The following RTBDN variants were observed in gnomAD, a reference collection of about 807,000 sequenced individuals.
The protein encoded by RTBDN is retbindin.
A neutral mutation model predicts 21.9 loss-of-function variants in RTBDN; 24 were observed. The observed-to-expected ratio is 1.10, with a 90% CI of 0.79 to 1.54. The LOEUF (loss-of-function observed/expected upper bound fraction) is 1.54, where lower values mean the gene tolerates loss of function less well. Among genes scored for constraint, RTBDN ranks in the 40% most tolerant of loss-of-function variants. The pLI, the probability that RTBDN is intolerant of heterozygous loss-of-function variation, is 0.00. For synonymous variants in RTBDN, 141 were observed against 125.9 expected (o/e 1.12, Z -0.80); for missense variants, 325 against 315.2 (o/e 1.03, Z -0.23).
Position 12,834,288 on chromosome 19 carries a change from G to A in RTBDN, c.-19+201C>T, listed in dbSNP as rs1799588490. ...CGCCTGGCCCGCCCTAGGGGGATGG[G>A]GCTGGGGCCGAAGTCATCGCCCTGG... On this transcript the variant is annotated intron_variant, in intron 1 of 5. Transcript: ENST00000674343. This position sits in a 1 kb window ranked among gnomAD's most constrained non-coding sequence, Gnocchi z 4.7. Among the ~76,000 whole-genome samples the A allele has an allele frequency of 6.6e-6, 1 of 152,172 alleles. No homozygotes were observed. Among genetic ancestry groups the A allele is most frequent in the Non-Finnish European group, 1.5e-5 (1 of 68,004 alleles).
In RTBDN at chr19:12,830,483, T is replaced by C; in HGVS notation, c.-18-486A>G. Reference sequence around the variant, plus strand: ...TTAGGGGCCACCCAGAGCTGGACCTTTGGGACCAAGGCTGGTGTGGCAGGG... The same window carrying C: ...TTAGGGGCCACCCAGAGCTGGACCTCTGGGACCAAGGCTGGTGTGGCAGGG... On this transcript the variant is annotated intron_variant, in intron 1 of 5. Coordinates refer to ENST00000674343, the MANE Select transcript of RTBDN (RefSeq NM_001270441.2). This position sits in a 1 kb window ranked among gnomAD's most constrained non-coding sequence, Gnocchi z 4.2. 2.0e-6 allele frequency: 2 copies of C among 986,212 alleles called. No individual in the cohort carries two copies. The highest frequency in any genetic ancestry group is 2.4e-6 in the Non-Finnish European group (2 of 830,432). The allele number at this position is 986,212 out of a possible 1,614,324, so 61.1% of individuals were successfully genotyped here.
chr19:12,826,322 A>C (rs1171631076), intron 5 of RTBDN: 1 of 1,214,440 alleles, frequency 8.2e-7, no homozygotes, highest in Non-Finnish European at 1.0e-6. Context: ...ACCCAGTAGG[A>C]GGTTGGGCTA....
intron 1 of RTBDN, among the ~76,000 whole-genome samples, chr19:12,833,485 G>A (rs1969648146): frequency 6.6e-6 from 1 of 152,034 alleles, no homozygotes; most frequent in Admixed American, 6.6e-5. Context: ...GGTTGGGGGA[G>A]TTCTTGATTG....
intron 1 of RTBDN, chr19:12,833,002 G>A (rs1329941575): frequency 6.6e-6 from 1 of 152,232 alleles, no homozygotes; most frequent in Non-Finnish European, 1.5e-5. Context: ...GAGGAGCGGC[G>A]AGGGAGCTGA....
intron 1 of RTBDN, among the ~76,000 whole-genome samples, chr19:12,832,274 G>T (rs909594569): frequency 6.6e-5 from 10 of 152,120 alleles, no homozygotes; most frequent in African/African-American, 2.4e-4. Context: ...TTCCCTCCCA[G>T]ATCCCAAAAC....
At chr19:12,831,724 A>C (rs1163154272) in intron 1 of RTBDN, among the ~76,000 whole-genome samples, 1 of 152,212 alleles carries the variant, frequency 6.6e-6, no homozygotes, top group African/African-American at 2.4e-5. Flanking sequence ...ACAAACAAAC[A>C]AAAACTCAAA....
chr19:12,827,734 A>G (rs1254772058), intron 4 of RTBDN, among the ~76,000 whole-genome samples: 1 of 151,928 alleles, frequency 6.6e-6, no homozygotes, highest in Admixed American at 6.6e-5. Context: ...CTCTCAAACG[A>G]CTGAGATTAC....
At chr19:12,826,278 T>C in intron 5 of RTBDN, 8 of 1,231,772 alleles carry the variant, frequency 6.5e-6, no homozygotes, top group Non-Finnish European at 8.2e-6. Flanking sequence ...AGGGCAAATC[T>C]GGACTTCGAG....
intron 1 of RTBDN, among the ~76,000 whole-genome samples, chr19:12,831,600 G>A (rs1190086841): frequency 6.6e-6 from 1 of 152,196 alleles, no homozygotes; most frequent in African/African-American, 2.4e-5. Flanking sequence ...CAGCAGTTCA[G>A]GAGGCTGAGG....
chr19:12,829,954 G>T lies in RTBDN; in HGVS notation c.26C>A (p.Pro9His). 1 of 1,613,968 alleles carries T rather than the reference G, an allele frequency of 6.2e-7. No homozygotes were observed. ...TTGCAGCACCCACGTCAGGCCGATG[G>T]GTCGCATGTGGACCCTGCAGTCCAT... Reference protein sequence around the residue: MDCRVHMRPIGLTWVLQLT... With the variant: MDCRVHMRHIGLTWVLQLT... The change falls in exon 2 of 6, where the codon CCC becomes CAC. Residue 9 changes from proline to histidine, a missense_variant. By Grantham distance (77) the Pro-to-His change is moderately conservative. Transcript: ENST00000674343.
chr19:12,835,390 A>G, upstream of RTBDN: 1 of 446,708 alleles, frequency 2.2e-6, no homozygotes, highest in Non-Finnish European at 4.1e-6. Flanking sequence ...TAGAGCAAGT[A>G]CTGCAGCAGC....
Position 12,825,898 on chromosome 19 carries a change from A to G in RTBDN, c.498T>C (p.Ala166=). ...CAGCCACCGGTAGGGCGTGGCCCAG[A>G]GCCGAGCGACAAAGGTCCGTCCCGT... The part of the protein sequence containing the change: ...FADGTDLCRS[A]LGHALPVAAP... The change falls in exon 6 of 6, where the codon GCT becomes GCC. Residue 166 remains alanine (A), a synonymous_variant. Coordinates refer to ENST00000674343, the MANE Select transcript of RTBDN (RefSeq NM_001270441.2). 6.2e-7 allele frequency: 1 copy of G among 1,609,526 alleles called. No individual in the cohort carries two copies.
In RTBDN at chr19:12,828,345, G is replaced by A. The variant is rs192902322; in HGVS notation, c.365+312C>T. On this transcript the variant is annotated intron_variant, in intron 4 of 5. Coordinates refer to ENST00000674343, the MANE Select transcript of RTBDN (RefSeq NM_001270441.2). ...CGGGAAGTGGAGGTTGCAGTGAGCC[G>A]AGATTGCACCACTGCACTCCAGCCT... Among the ~76,000 whole-genome samples the A allele has an allele frequency of 1.8e-3, 271 of 151,602 alleles. 1 individual carries two copies. Among genetic ancestry groups the A allele is most frequent in the African/African-American group, 6.4e-3 (266 of 41,284 alleles).
rs1180435052 is a variant in RTBDN, at chr19:12,830,227, C to A, written c.-18-230G>T. 4 of 1,295,584 alleles carry A rather than the reference C, an allele frequency of 3.1e-6. No individual in the cohort carries two copies. Among genetic ancestry groups the A allele is most frequent in the Non-Finnish European group, 3.9e-6 (4 of 1,017,696 alleles). The allele number at this position is 1,295,584 out of a possible 1,614,324, so 80.3% of individuals were successfully genotyped here. On this transcript the variant is annotated intron_variant, in intron 1 of 5. Coordinates refer to ENST00000674343, the MANE Select transcript of RTBDN (RefSeq NM_001270441.2). This position sits in a 1 kb window ranked among gnomAD's most constrained non-coding sequence, Gnocchi z 4.2. ...TGTCCTCTATGTCCCTTCAGTGCCA[C>A]CCCAACCAAGCTTAGACCACAGTGG...
chr19:12,826,034 G>A lies in RTBDN; in HGVS notation c.463-101C>T, dbSNP rs1969282554. On this transcript the variant is annotated intron_variant, in intron 5 of 5. Transcript: ENST00000674343. ...ATGTGTAAATTCCTTAGGGATTGGGGTCAGAGCCGGAGCGTGCGGCCTGGG... is the reference window on the plus strand; with the variant it reads ...ATGTGTAAATTCCTTAGGGATTGGGATCAGAGCCGGAGCGTGCGGCCTGGG... 6 of 1,438,504 alleles carry A rather than the reference G, an allele frequency of 4.2e-6. No individual in the cohort carries two copies. The African/African-American group carries it at 4.3e-5, about 10-fold the overall frequency. The allele number at this position is 1,438,504 out of a possible 1,614,324, so 89.1% of individuals were successfully genotyped here. A position where few individuals can be genotyped will look rare whatever the true frequency, so the allele number is the denominator to read the frequency against.
At chr19:12,827,945 T>C (rs888840489) in intron 4 of RTBDN, among the ~76,000 whole-genome samples, 1 of 151,498 alleles carries the variant, frequency 6.6e-6, no homozygotes, top group Non-Finnish European at 1.5e-5. Context: ...ATACAAAATT[T>C]AGCCGGGCGT....
At chr19:12,827,026 G>A in intron 4 of RTBDN, 155 bp from the exon 5 acceptor site, 1 of 626,582 alleles carries the variant, frequency 1.6e-6, no homozygotes, top group Non-Finnish European at 2.9e-6. Flanking sequence ...CATCTCTCCA[G>A]ATTTCACCCT....
At chr19:12,832,990 T>G (rs1430582294) in intron 1 of RTBDN, 2 of 152,240 alleles carry the variant, frequency 1.3e-5, no homozygotes, top group Non-Finnish European at 2.9e-5. Flanking sequence ...TGTGTGAACA[T>G]GGAGGAGCGG....
At chr19:12,827,975 C>T (rs1011891754) in intron 4 of RTBDN, among the ~76,000 whole-genome samples, 15 of 151,840 alleles carry the variant, frequency 9.9e-5, no homozygotes, top group African/African-American at 3.4e-4. Flanking sequence ...AGCATGTAAT[C>T]TCAGCTACTA....
Sources: allele counts gnomAD v4.1 joint callset (sites outside exome capture counted in the v4.1 genomes callset), GRCh38; gene constraint gnomAD v4.1.1; non-coding constraint Gnocchi (gnomAD v3.1); transcripts MANE v1.5; gene names NCBI Gene and HGNC (gene_info 2026-07-23, HGNC 2026-07-21).